FOXI2: variants seen among roughly 807,000 people sequenced by gnomAD.
The protein encoded by FOXI2 is forkhead box I2, also known as forkhead box protein I2.
Under a neutral mutation model 14.3 loss-of-function variants are expected in FOXI2, and 17 were observed. That is an observed-to-expected ratio of 1.19 (90% CI 0.81 to 1.78). The LOEUF is 1.78. Ranked by LOEUF, FOXI2 falls within the 40% of genes most tolerant of loss-of-function variation. The pLI, the probability that FOXI2 is intolerant of heterozygous loss-of-function variation, is 0.00. For missense variants in FOXI2, 541 were observed against 460.0 expected (o/e 1.18, Z -1.61); for synonymous variants, 240 against 218.8 (o/e 1.10, Z -0.85).
rs1388383728 is a variant in FOXI2, at chr10:127,739,903, A to ACTCACACC, written c.*939_*940insTCACACCC. The ACTCACACC allele has an allele frequency of 4.9e-5, 1 of 20,466 alleles. No homozygotes were observed. Among genetic ancestry groups the ACTCACACC allele is most frequent in the South Asian group, 4.2e-3 (1 of 238 alleles). 1.3% of individuals were successfully genotyped at this position (20,466 alleles called of 1,614,324 possible). ...CACCCACACCCACACCCACACTCACACACACTCACACCCACACCCACACTC... is the reference window on the plus strand; with the variant it reads ...CACCCACACCCACACCCACACTCACACTCACACCCACACTCACACCCACACCCACACTC... On this transcript the variant is annotated 3_prime_UTR_variant, in exon 2 of 2. Coordinates refer to ENST00000388920, the MANE Select transcript of FOXI2 (RefSeq NM_207426.3).
chr10:127,739,090 CG>C lies in FOXI2; in HGVS notation c.*130del, dbSNP rs1424572173. ...GGTGCCCTGGGAGGAAGCGCAGAGC[CG>C]GGGGCGGCTCGGCCAGCAGGGAGCT... On this transcript the variant is annotated 3_prime_UTR_variant, in exon 2 of 2. Coordinates refer to ENST00000388920, the MANE Select transcript of FOXI2 (RefSeq NM_207426.3). 1.3e-5 allele frequency: 11 copies of C among 875,864 alleles called. No individual in the cohort carries two copies. The highest frequency in any genetic ancestry group is 2.9e-5 in the Admixed American group (1 of 34,000). The allele number at this position is 875,864 out of a possible 1,614,324, so 54.3% of individuals were successfully genotyped here. A position where few individuals can be genotyped will look rare whatever the true frequency, so the allele number is the denominator to read the frequency against.
chr10:127,739,033 T>C lies in FOXI2; in HGVS notation c.*68T>C. On this transcript the variant is annotated 3_prime_UTR_variant, in exon 2 of 2. Transcript: ENST00000388920. Reference sequence around the variant, plus strand: ...AGCTCAGGCCTCCGGTTTCCCCTGGTGACAGCCCCACGTGTTGGCGTTGAA... The same window carrying C: ...AGCTCAGGCCTCCGGTTTCCCCTGGCGACAGCCCCACGTGTTGGCGTTGAA... 7.2e-7 allele frequency: 1 copy of C among 1,382,212 alleles called. No individual in the cohort carries two copies. The highest frequency in any genetic ancestry group is 9.8e-7 in the Non-Finnish European group (1 of 1,017,320). 85.6% of individuals were successfully genotyped at this position (1,382,212 alleles called of 1,614,324 possible). A position where few individuals can be genotyped will look rare whatever the true frequency, so the allele number is the denominator to read the frequency against.
In FOXI2 at chr10:127,740,110, A is replaced by ACACTCACACCCACACTCC. The variant is rs1554874553; in HGVS notation, c.*1148_*1149insTCACACCCACACTCCCAC. ...CACACTCACACTCACACCCACACTC[A>ACACTCACACCCACACTCC]CACCACACTCACACCCACACACACC... On this transcript the variant is annotated 3_prime_UTR_variant, in exon 2 of 2. Transcript: ENST00000388920. 2 of 49,586 alleles carry ACACTCACACCCACACTCC rather than the reference A, an allele frequency of 4.0e-5. No individual in the cohort carries two copies. Among genetic ancestry groups the ACACTCACACCCACACTCC allele is most frequent in the Admixed American group, 2.5e-4 (1 of 4,008 alleles). The allele number at this position is 49,586 out of a possible 1,614,324, so 3.1% of individuals were successfully genotyped here. A position where few individuals can be genotyped will look rare whatever the true frequency, so the allele number is the denominator to read the frequency against.
chr10:127,740,825 CAG>C lies in FOXI2; in HGVS notation c.*1865_*1866del, dbSNP rs1402538440. 6.6e-6 allele frequency: 1 copy of C among 152,014 alleles called. No individual in the cohort carries two copies. Among genetic ancestry groups the C allele is most frequent in the Admixed American group, 6.6e-5 (1 of 15,216 alleles). 9.4% of individuals were successfully genotyped at this position (152,014 alleles called of 1,614,324 possible). On this transcript the variant is annotated 3_prime_UTR_variant, in exon 2 of 2. Transcript: ENST00000388920. ...TGTGTGTGTGCGTGTGTGCGTAAGA[CAG>C]AGAGGGAGGGAGAAGGAAGGAGGCG...
Position 127,738,638 on chromosome 10 carries a change from G to A in FOXI2, c.630G>A (p.Arg210=), listed in dbSNP as rs374332774. ...GCGCGGCCGTGCGCTCGGGAGCCAGGAGCGTGGGAGGGGCCGAGGCGCCAG... is the reference window on the plus strand; with the variant it reads ...GCGCGGCCGTGCGCTCGGGAGCCAGAAGCGTGGGAGGGGCCGAGGCGCCAG... ...EASAAVRSGA[R]SVGGAEAPAL... Residue 210 remains arginine, a synonymous_variant, in exon 2 of 2, where the codon AGG becomes AGA. Transcript: ENST00000388920. 4.2e-5 allele frequency: 67 copies of A among 1,601,820 alleles called. No individual in the cohort carries two copies. In the African/African-American group the frequency reaches 7.1e-4, roughly 17 times the overall value.
rs1164649884 is a variant in FOXI2 at position 127,739,949 on chromosome 10, CCA to C, written c.*992_*993del. ...CACTCACACCCACACACACTCACAC[CCA>C]CACACACCCACACTCATACTCACAC... On this transcript the variant is annotated 3_prime_UTR_variant, in exon 2 of 2. Transcript: ENST00000388920. The C allele has an allele frequency of 1.0e-3, 45 of 43,812 alleles. No individual in the cohort carries two copies. Among genetic ancestry groups the C allele is most frequent in the African/African-American group, 2.3e-3 (32 of 14,112 alleles). 2.7% of individuals were successfully genotyped at this position (43,812 alleles called of 1,614,324 possible). A position where few individuals can be genotyped will look rare whatever the true frequency, so the allele number is the denominator to read the frequency against.
At position 127,740,068 on chromosome 10, in the gene FOXI2, A is replaced by ACACACACAC. The variant is rs1491488724; in HGVS notation, c.*1103_*1104insCACACACAC. On this transcript the variant is annotated 3_prime_UTR_variant, in exon 2 of 2. Transcript: ENST00000388920. The stretch of plus-strand genomic sequence containing the variant: ...GACACCCACACTCACACCCACACTC[A>ACACACACAC]TACTCACACTCACACCCACACTCAC... The ACACACACAC allele has an allele frequency of 1.5e-5, 1 of 68,582 alleles. No individual in the cohort carries two copies. Among genetic ancestry groups the ACACACACAC allele is most frequent in the Admixed American group, 1.6e-4 (1 of 6,238 alleles). 4.2% of individuals were successfully genotyped at this position (68,582 alleles called of 1,614,324 possible).
chr10:127,737,391 C>T lies in FOXI2; in HGVS notation c.118C>T (p.Leu40Phe), dbSNP rs1228512593. 6 of 1,392,766 alleles carry T rather than the reference C, an allele frequency of 4.3e-6. No homozygotes were observed. In the African/African-American group the frequency reaches 7.7e-5, roughly 18 times the overall value. The allele number at this position is 1,392,766 out of a possible 1,614,324, so 86.3% of individuals were successfully genotyped here. ...GDLGAVGGGP[L>F]LWVNAPALSP... Reference sequence around the variant, plus strand: ...TCTGGGCGCGGTGGGCGGGGGCCCCCTCCTGTGGGTGAACGCGCCAGCGCT... The same window carrying T: ...TCTGGGCGCGGTGGGCGGGGGCCCCTTCCTGTGGGTGAACGCGCCAGCGCT... Residue 40 changes from leucine (L) to phenylalanine (F), a missense_variant, in exon 1 of 2, where the codon CTC (leucine) becomes TTC (phenylalanine). Physicochemically the swap from Leu to Phe is conservative, Grantham distance 22. Coordinates refer to ENST00000388920, the MANE Select transcript of FOXI2 (RefSeq NM_207426.3).
rs1261031017 is a variant in FOXI2, at chr10:127,740,195, A to G, written c.*1230A>G. ...CTCACACACCCACACCCACACCCAC[A>G]CCCACACCCACACCCACACCCACAC... On this transcript the variant is annotated 3_prime_UTR_variant, in exon 2 of 2. Coordinates refer to ENST00000388920, the MANE Select transcript of FOXI2 (RefSeq NM_207426.3). 1.4e-5 allele frequency: 2 copies of G among 146,788 alleles called. No individual in the cohort carries two copies. The highest frequency in any genetic ancestry group is 5.1e-5 in the African/African-American group (2 of 39,144). The allele number at this position is 146,788 out of a possible 1,614,324, so 9.1% of individuals were successfully genotyped here.
rs1846518277 is a variant in FOXI2 at position 127,741,015 on chromosome 10, A to T, written c.*2050A>T. 2 of 152,198 alleles carry T rather than the reference A, an allele frequency of 1.3e-5. No individual in the cohort carries two copies. The highest frequency in any genetic ancestry group is 2.4e-5 in the African/African-American group (1 of 41,452). The allele number at this position is 152,198 out of a possible 1,614,324, so 9.4% of individuals were successfully genotyped here. Reference sequence around the variant, plus strand: ...TTGAAGGTGATGATGTCGCCTAACTAAACTCACAACCAACCCGCAATCTCT... The same window carrying T: ...TTGAAGGTGATGATGTCGCCTAACTTAACTCACAACCAACCCGCAATCTCT... On this transcript the variant is annotated 3_prime_UTR_variant, in exon 2 of 2. Transcript: ENST00000388920.
chr10:127,737,907 G>T, intron 1 of FOXI2, 123 bp downstream of exon 1: 1 of 1,424,656 alleles, frequency 7.0e-7, no homozygotes. Flanking sequence ...GGGGATACCC[G>T]GGGAGGAGGG....
Position 127,737,249 on chromosome 10 carries a change from G to C in FOXI2, c.-25G>C. ...CAGTGAGTTTCGGTGCGGCACCGCT[G>C]GCCCAGGCCCGGGCGCGGCTGGACA... On this transcript the variant is annotated 5_prime_UTR_variant, in exon 1 of 2. Coordinates refer to ENST00000388920, the MANE Select transcript of FOXI2 (RefSeq NM_207426.3). 2 of 1,469,392 alleles carry C rather than the reference G, an allele frequency of 1.4e-6. No homozygotes were observed. The highest frequency in any genetic ancestry group is 3.0e-5 in the African/African-American group (2 of 67,578). The allele number at this position is 1,469,392 out of a possible 1,614,324, so 91.0% of individuals were successfully genotyped here. A position where few individuals can be genotyped will look rare whatever the true frequency, so the allele number is the denominator to read the frequency against.
chr10:127,739,682 G>A lies in FOXI2; in HGVS notation c.*717G>A, dbSNP rs1008503394. On this transcript the variant is annotated 3_prime_UTR_variant, in exon 2 of 2. Transcript: ENST00000388920. ...CTGGTCCTTGATGACCCCCCTCTAG[G>A]ACAAGGCAACTCCCCAGGGCCCCGC... 2.0e-5 allele frequency: 3 copies of A among 152,258 alleles called. No homozygotes were observed. The highest frequency in any genetic ancestry group is 7.3e-5 in the African/African-American group (3 of 41,370). 9.4% of individuals were successfully genotyped at this position (152,258 alleles called of 1,614,324 possible). A position where few individuals can be genotyped will look rare whatever the true frequency, so the allele number is the denominator to read the frequency against.
Position 127,737,513 on chromosome 10 carries a change from C to T in FOXI2, c.240C>T (p.Gly80=), listed in dbSNP as rs1451562630. Reference sequence around the variant, plus strand: ...GCCCGCTCCTCGGCGCCCCGGGCGGCCTGGCGGGCGCCGACCTCGCCTGGC... The same window carrying T: ...GCCCGCTCCTCGGCGCCCCGGGCGGTCTGGCGGGCGCCGACCTCGCCTGGC... ...APGPLLGAPG[G]LAGADLAWLS... Residue 80 remains glycine, a synonymous_variant, in exon 1 of 2, where the codon GGC becomes GGT. Transcript: ENST00000388920. The T allele has an allele frequency of 7.1e-7, 1 of 1,415,902 alleles. No homozygotes were observed. Among genetic ancestry groups the T allele is most frequent in the Admixed American group, 3.4e-5 (1 of 29,576 alleles). 87.7% of individuals were successfully genotyped at this position (1,415,902 alleles called of 1,614,324 possible).
At position 127,740,114 on chromosome 10, in the gene FOXI2, CACACTCACACCCA is replaced by C. The variant is rs1313398863; in HGVS notation, c.*1150_*1162del. On this transcript the variant is annotated 3_prime_UTR_variant, in exon 2 of 2. Transcript: ENST00000388920. The stretch of plus-strand genomic sequence containing the variant: ...CTCACACTCACACCCACACTCACAC[CACACTCACACCCA>C]CACACACCCACACTCATACTCACAC... 3 of 41,818 alleles carry C rather than the reference CACACTCACACCCA, an allele frequency of 7.2e-5. 1 individual carries two copies. In the East Asian group the frequency reaches 2.4e-3, roughly 34 times the overall value. 2.6% of individuals were successfully genotyped at this position (41,818 alleles called of 1,614,324 possible). A position where few individuals can be genotyped will look rare whatever the true frequency, so the allele number is the denominator to read the frequency against.
In FOXI2 at chr10:127,739,292, C is replaced by T. The variant is rs1203241479; in HGVS notation, c.*327C>T. ...GCGGCGGGTCGGCCCTCAGCTCCAG[C>T]GTTTTCCAAGGAGGCTGGCTGACTC... On this transcript the variant is annotated 3_prime_UTR_variant, in exon 2 of 2. Transcript: ENST00000388920. The T allele has an allele frequency of 1.1e-5, 3 of 283,358 alleles. No homozygotes were observed. The highest frequency in any genetic ancestry group is 2.2e-5 in the African/African-American group (1 of 45,050). 17.6% of individuals were successfully genotyped at this position (283,358 alleles called of 1,614,324 possible).
chr10:127,739,994 C>CTGACACCCACACT lies in FOXI2; in HGVS notation c.*1029_*1030insTGACACCCACACT, dbSNP rs1294494522. The CTGACACCCACACT allele has an allele frequency of 1.3e-4, 10 of 79,614 alleles. No homozygotes were observed. Among genetic ancestry groups the CTGACACCCACACT allele is most frequent in the Non-Finnish European group, 2.2e-4 (8 of 36,512 alleles). 4.9% of individuals were successfully genotyped at this position (79,614 alleles called of 1,614,324 possible). A position where few individuals can be genotyped will look rare whatever the true frequency, so the allele number is the denominator to read the frequency against. On this transcript the variant is annotated 3_prime_UTR_variant, in exon 2 of 2. Coordinates refer to ENST00000388920, the MANE Select transcript of FOXI2 (RefSeq NM_207426.3). The stretch of plus-strand genomic sequence containing the variant: ...ACTCACACTCACACCCACACTCACA[C>CTGACACCCACACT]CACACCCACACTCACACTGACACCC...
chr10:127,737,825 A>G, intron 1 of FOXI2, 41 bp downstream of exon 1: 1 of 1,580,050 alleles, frequency 6.3e-7, no homozygotes, highest in Non-Finnish European at 8.6e-7. Flanking sequence ...AGGACTCCCC[A>G]TCTTCCCGCC....
Position 127,738,931 on chromosome 10 carries a change from A to T in FOXI2, c.923A>T (p.His308Leu). The stretch of plus-strand genomic sequence containing the variant: ...GCGGCCGCCGGCTTCCGCCTCAGTC[A>T]CCTCCTCTACAGCCGGGAAGGGACC... ...QTAAAGFRLS[H>L]LLYSREGTEV The change falls in exon 2 of 2, where the codon CAC becomes CTC. Residue 308 changes from histidine (H) to leucine (L), a missense_variant. Coordinates refer to ENST00000388920, the MANE Select transcript of FOXI2 (RefSeq NM_207426.3). The T allele has an allele frequency of 6.2e-6, 10 of 1,601,064 alleles. No individual in the cohort carries two copies. The highest frequency in any genetic ancestry group is 8.5e-6 in the Non-Finnish European group (10 of 1,179,368).
Sources: allele counts gnomAD v4.1 joint callset, GRCh38; gene constraint gnomAD v4.1.1; transcripts MANE v1.5; gene names NCBI Gene and HGNC (gene_info 2026-07-23, HGNC 2026-07-21).